Variants in PFKFB3 observed in about 807,000 individuals in gnomAD.
PFKFB3 encodes 6-phosphofructo-2-kinase/fructose-2,6-biphosphatase 3.
Under a neutral mutation model 68.0 loss-of-function variants are expected in PFKFB3, and 33 were observed. The observed-to-expected ratio is 0.49, with a 90% CI of 0.37 to 0.65. PFKFB3 has a LOEUF of 0.65. PFKFB3 is among the 30% of genes least tolerant of loss of function. PFKFB3 has a pLI of 0.00. For missense variants in PFKFB3, 586 were observed against 712.2 expected, an observed-to-expected ratio of 0.82 and a Z score of 2.02; for synonymous variants, 315 against 288.2, an observed-to-expected ratio of 1.09 and a Z score of -0.94.
At position 6,228,290 on chromosome 10, in the gene PFKFB3, G is replaced by A. The variant is rs1845492348; in HGVS notation, c.1515+1925G>A. The A allele has an allele frequency of 1.3e-6, 2 of 1,556,168 alleles. No individual in the cohort carries two copies. Among genetic ancestry groups the A allele is most frequent in the Non-Finnish European group, 1.8e-6 (2 of 1,128,954 alleles). ...TGCTTGCTCATTTGGCCTCCTGCCT[G>A]TTAAAATATTGAGGATGAGAGCAGT... On this transcript the variant is annotated intron_variant, in intron 14 of 14. Transcript: ENST00000379775. This position sits in a 1 kb window ranked among gnomAD's most constrained non-coding sequence, Gnocchi z 4.5.
chr10:6,246,322 T>A (rs1194345669), intron 14 of PFKFB3, among the ~76,000 whole-genome samples: 2 of 147,664 alleles, frequency 1.4e-5, no homozygotes, highest in African/African-American at 2.5e-5. Flanking sequence ...TTTTTATTTA[T>A]TTTATTTATT....
intron 1 of PFKFB3, among the ~76,000 whole-genome samples, chr10:6,169,362 C>T (rs762714492): frequency 2.0e-5 from 3 of 152,234 alleles, no homozygotes; most frequent in South Asian, 4.1e-4. Context: ...GGGACTCTGG[C>T]GGCTGTGAGC....
At chr10:6,297,567 G>A in the PFKFB3 span, among the ~76,000 whole-genome samples, 2 of 152,064 alleles carry the variant, frequency 1.3e-5, no homozygotes, top group Non-Finnish European at 2.9e-5. Context: ...AGGAAGCACC[G>A]TTGGAGGGAA....
At chr10:6,261,489 G>A in the PFKFB3 span, among the ~76,000 whole-genome samples, 1 of 152,200 alleles carries the variant, frequency 6.6e-6, no homozygotes. Flanking sequence ...GAGAATGCAT[G>A]GACACAAAGC....
chr10:6,222,167 T>A (rs1845012390), intron 10 of PFKFB3, among the ~76,000 whole-genome samples: 1 of 152,166 alleles, frequency 6.6e-6, no homozygotes, highest in South Asian at 2.1e-4. Context: ...TCCCTGCCCG[T>A]GCCCTGCTGA....
chr10:6,310,606 C>T, the PFKFB3 span, among the ~76,000 whole-genome samples: 14 of 152,110 alleles, frequency 9.2e-5, no homozygotes, highest in African/African-American at 1.4e-4. Context: ...TGTTTATAGT[C>T]GGCCTTGACT....
chr10:6,249,247 A>C (rs1846326325), intron 14 of PFKFB3, among the ~76,000 whole-genome samples: 2 of 151,950 alleles, frequency 1.3e-5, no homozygotes, highest in African/African-American at 4.8e-5. Context: ...GGGAATGTAA[A>C]TTAGTACAGC....
intron 1 of PFKFB3, chr10:6,146,247 C>T: frequency 6.9e-7 from 1 of 1,452,314 alleles, no homozygotes; most frequent in Non-Finnish European, 9.1e-7. Context: ...GAGGCACGGC[C>T]AGCGTGATGC....
chr10:6,180,296 C>G (rs1201229779), intron 1 of PFKFB3, among the ~76,000 whole-genome samples: 2 of 152,104 alleles, frequency 1.3e-5, no homozygotes, highest in Non-Finnish European at 2.9e-5. Flanking sequence ...TTAAAGCAAT[C>G]AGATTGAGGG....
At chr10:6,204,378 C>T (rs1406624644) in intron 1 of PFKFB3, among the ~76,000 whole-genome samples, 2 of 152,252 alleles carry the variant, frequency 1.3e-5, no homozygotes, top group East Asian at 1.9e-4. Context: ...CATCCGAAGG[C>T]GCCTGAGCGC....
At position 6,252,629 on chromosome 10, in the gene PFKFB3, A is replaced by G. The variant is rs185054629; in HGVS notation, c.1516-1549A>G. Reference sequence around the variant, plus strand: ...TCTGATATAGCTTAAATGGCCATCAATATGGAATTGGTTAAAAGATATGAT... The same window carrying G: ...TCTGATATAGCTTAAATGGCCATCAGTATGGAATTGGTTAAAAGATATGAT... On this transcript the variant is annotated intron_variant, in intron 14 of 14. Transcript: ENST00000640683. 7.8e-3 allele frequency among the ~76,000 whole-genome samples: 1,195 copies of G among 152,370 alleles called. 4 individuals are homozygous for G. The highest frequency in any genetic ancestry group is 0.017 in the Middle Eastern group (5 of 294).
chr10:6,259,542 T>TCATCCATCCATCCATCCATC (rs201570223), downstream of PFKFB3, among the ~76,000 whole-genome samples: 10,108 of 137,850 alleles, frequency 0.073, 645 homozygotes, highest in East Asian at 0.24. Flanking sequence ...ATCCATCTGC[T>TCATCCATCCATCCATCCATC]CATCCATCCA....
intron 1 of PFKFB3, among the ~76,000 whole-genome samples, chr10:6,151,374 C>G (rs996527475): frequency 6.6e-6 from 1 of 150,774 alleles, no homozygotes. Flanking sequence ...AAACACACTT[C>G]CCCCTGGCCT....
At chr10:6,271,056 A>G in the PFKFB3 span, among the ~76,000 whole-genome samples, 1 of 152,252 alleles carries the variant, frequency 6.6e-6, no homozygotes, top group Non-Finnish European at 1.5e-5. Flanking sequence ...TGAAATTGGG[A>G]AAGAAAGTGA....
At position 6,164,326 on chromosome 10, in the gene PFKFB3, A is replaced by G. The variant is rs141497789; in HGVS notation, c.16+19313A>G. ...GGTCTGTGGCTCCATCCGAATCTTC[A>G]TGAACAGGGCCTGCGGTGAATTTGG... On this transcript the variant is annotated intron_variant, in intron 1 of 14. Coordinates refer to the PFKFB3 transcript ENST00000379789. Among the ~76,000 whole-genome samples, 1,144 of 152,314 alleles carry G rather than the reference A, an allele frequency of 7.5e-3. 19 individuals carry two copies. The highest frequency in any genetic ancestry group is 0.026 in the African/African-American group (1,079 of 41,576).
upstream of PFKFB3, among the ~76,000 whole-genome samples, chr10:6,199,488 T>TTTTTC (rs1843262590): frequency 6.6e-6 from 1 of 150,708 alleles, no homozygotes; most frequent in African/African-American, 2.5e-5. Flanking sequence ...CTTGCTTTTT[T>TTTTTC]TTTTTTCTTT....
chr10:6,313,706 G>A, the PFKFB3 span, among the ~76,000 whole-genome samples: 1 of 152,222 alleles, frequency 6.6e-6, no homozygotes, highest in Non-Finnish European at 1.5e-5. This position sits in a 1 kb window ranked among gnomAD's most constrained non-coding sequence, Gnocchi z 4.2. Flanking sequence ...AGAGATCACA[G>A]CTCATTCATC....
At chr10:6,177,389 T>TTTCTTTCTTTCTTTCTTTTTC (rs1842515653) in intron 1 of PFKFB3, among the ~76,000 whole-genome samples, 2 of 123,078 alleles carry the variant, frequency 1.6e-5, no homozygotes, top group South Asian at 6.2e-4. Flanking sequence ...TCTTTCTTTC[T>TTTCTTTCTTTCTTTCTTTTTC]TTCTTTCTTT....
At chr10:6,213,554 G>C in intron 1 of PFKFB3, 69 bp from the exon 2 acceptor site, 1 of 1,521,480 alleles carries the variant, frequency 6.6e-7, no homozygotes. Flanking sequence ...TGTTATTGTT[G>C]GGTGTGGCCT....
Sources: gnomAD v4.1 joint callset for allele counts (sites outside exome capture counted in the v4.1 genomes callset) on GRCh38, gnomAD v4.1.1 for gene constraint, Gnocchi (gnomAD v3.1) non-coding constraint, MANE v1.5 for transcripts, NCBI Gene and HGNC (gene_info 2026-07-23, HGNC 2026-07-21) for gene names.